KIF16B: variants seen among roughly 807,000 people sequenced by gnomAD.
KIF16B encodes the protein kinesin-like protein KIF16B.
A neutral mutation model predicts 156.3 loss-of-function variants in KIF16B; 98 were observed. That is an observed-to-expected ratio of 0.63 (90% CI 0.53 to 0.74). The LOEUF (loss-of-function observed/expected upper bound fraction) is 0.74, where lower values mean the gene tolerates loss of function less well. Ranked by LOEUF, KIF16B falls within the 30% of genes least tolerant of loss-of-function variation. KIF16B has a pLI of 0.00. For missense variants in KIF16B, 1,421 were observed against 1,606.5 expected, an observed-to-expected ratio of 0.88 and a Z score of 1.97; for synonymous variants, 564 against 583.7, an observed-to-expected ratio of 0.97 and a Z score of 0.49.
In KIF16B at chr20:16,345,461, A is replaced by G. The variant is rs575318422; in HGVS notation, c.3622-9446T>C. On this transcript the variant is annotated intron_variant, in intron 23 of 25. Transcript: ENST00000354981. The stretch of plus-strand genomic sequence containing the variant: ...TGTGGGCAACAGTGTGACCTGCATT[A>G]TAGTCCTTTTCTGACTTACCTGTAA... Among the ~76,000 whole-genome samples, 5 of 152,350 alleles carry G rather than the reference A, an allele frequency of 3.3e-5. No individual in the cohort carries two copies. The East Asian group carries it at 9.6e-4, about 29-fold the overall frequency.
At chr20:16,551,709 G>A (rs906585489) in intron 1 of KIF16B, among the ~76,000 whole-genome samples, 2 of 152,180 alleles carry the variant, frequency 1.3e-5, no homozygotes, top group Non-Finnish European at 2.9e-5. Flanking sequence ...AGCCAGAAGG[G>A]CTTGAGGTAA....
At chr20:16,508,279 G>A (rs766068112) in intron 6 of KIF16B, among the ~76,000 whole-genome samples, 179 bp from the exon 7 acceptor site, 3 of 152,298 alleles carry the variant, frequency 2.0e-5, no homozygotes, top group South Asian at 2.1e-4. Context: ...GGCTGGGGCC[G>A]AATCCCAGCT....
chr20:16,480,612 A>G (rs2067953493), intron 12 of KIF16B, among the ~76,000 whole-genome samples: 1 of 152,240 alleles, frequency 6.6e-6, no homozygotes, highest in Non-Finnish European at 1.5e-5. Context: ...TTCAAATGAG[A>G]TAAGCAGTGA....
intron 19 of KIF16B, among the ~76,000 whole-genome samples, chr20:16,378,078 T>A (rs573255373): frequency 6.6e-6 from 1 of 152,160 alleles, no homozygotes; most frequent in South Asian, 2.1e-4. Context: ...TGTGACTCAA[T>A]AGGGGTGGGA....
At chr20:16,564,215 G>A (rs769450657) in intron 1 of KIF16B, among the ~76,000 whole-genome samples, 112 of 152,266 alleles carry the variant, frequency 7.4e-4, no homozygotes, top group Non-Finnish European at 1.3e-3. Context: ...GTAATTTGCT[G>A]AGAATGATGG....
chr20:16,484,147 A>C (rs910779749), intron 12 of KIF16B, among the ~76,000 whole-genome samples: 2 of 152,238 alleles, frequency 1.3e-5, no homozygotes, highest in African/African-American at 2.4e-5. Context: ...ACCAACATTT[A>C]ACATGGTGCA....
In KIF16B at chr20:16,508,034, TTGA is replaced by T. The variant is rs1464511092; in HGVS notation, c.620_622del (p.Ile207del). ...CATCCCAGTCGCTGCGGTGGTCCGG[TTGA>T]TATTGCCCGCATCCATAAGTTCTTC... On this transcript the variant is annotated inframe_deletion, in exon 7 of 26. Coordinates refer to ENST00000354981, the MANE Select transcript of KIF16B (RefSeq NM_024704.5). 6.2e-7 allele frequency: 1 copy of T among 1,614,162 alleles called. No individual in the cohort carries two copies. The highest frequency in any genetic ancestry group is 1.7e-5 in the Admixed American group (1 of 60,020).
intron 25 of KIF16B, among the ~76,000 whole-genome samples, chr20:16,292,534 A>G (rs2063328622): frequency 6.6e-6 from 1 of 152,228 alleles, no homozygotes; most frequent in Admixed American, 6.5e-5. Context: ...TCTGAAAAAA[A>G]GCACAAGGTA....
intron 1 of KIF16B, among the ~76,000 whole-genome samples, chr20:16,568,592 TC>T (rs1422723254): frequency 6.6e-6 from 1 of 152,002 alleles, no homozygotes; most frequent in African/African-American, 2.4e-5. Flanking sequence ...GGTGGGAGGA[TC>T]ACTTGAGCCC....
At chr20:16,380,247 C>A (rs1411084428) in intron 18 of KIF16B, 84 bp from the exon 19 acceptor site, 1 of 1,260,146 alleles carries the variant, frequency 7.9e-7, no homozygotes, top group East Asian at 2.7e-5. Context: ...TGAAAATGCA[C>A]ATACAACCAG....
chr20:16,400,908 G>C (rs923152495), intron 17 of KIF16B, among the ~76,000 whole-genome samples: 5 of 152,150 alleles, frequency 3.3e-5, no homozygotes, highest in Non-Finnish European at 5.9e-5. Flanking sequence ...GACGAAACTG[G>C]TTGCACAGTA....
At chr20:16,377,156 T>C (rs977978335) in intron 19 of KIF16B, among the ~76,000 whole-genome samples, 1 of 152,126 alleles carries the variant, frequency 6.6e-6, no homozygotes, top group Non-Finnish European at 1.5e-5. Flanking sequence ...AGGTGGGGTC[T>C]CCTGGCCAGT....
chr20:16,556,597 T>C (rs1037750605), intron 1 of KIF16B, among the ~76,000 whole-genome samples: 1 of 152,142 alleles, frequency 6.6e-6, no homozygotes, highest in Non-Finnish European at 1.5e-5. Flanking sequence ...ACTCCTCCAA[T>C]GGCCCTACCA....
intron 24 of KIF16B, among the ~76,000 whole-genome samples, chr20:16,328,152 G>A (rs934086923): frequency 4.6e-5 from 7 of 152,108 alleles, no homozygotes; most frequent in Non-Finnish European, 7.4e-5. Flanking sequence ...TTGCCTAGTC[G>A]TTTTCTTCCC....
intron 3 of KIF16B, among the ~76,000 whole-genome samples, chr20:16,517,021 T>C (rs893795050): frequency 2.0e-5 from 3 of 152,282 alleles, no homozygotes; most frequent in Non-Finnish European, 2.9e-5. Context: ...TGCAGACATA[T>C]GGAGACAACT....
rs1004489811 is a variant in KIF16B at position 16,389,624 on chromosome 20, A to G, written c.1785-7877T>C. Among the ~76,000 whole-genome samples the G allele has an allele frequency of 3.9e-5, 6 of 152,200 alleles. No homozygotes were observed. In the East Asian group the frequency reaches 9.6e-4, roughly 24 times the overall value. On this transcript the variant is annotated intron_variant, in intron 17 of 25. Transcript: ENST00000354981. ...AGCACCTCACAACTGAGCAAATCCC[A>G]TGGAGACTAGGGGATCTTAAAGACT...
At chr20:16,463,062 C>T (rs6080271) in intron 12 of KIF16B, among the ~76,000 whole-genome samples, 21,159 of 152,210 alleles carry the variant, frequency 0.14, 1,915 homozygotes, top group Non-Finnish European at 0.21. Flanking sequence ...CTGGTCCAAC[C>T]AATCTTGTGC....
intron 1 of KIF16B, among the ~76,000 whole-genome samples, chr20:16,560,932 G>C (rs2071034684): frequency 6.6e-6 from 1 of 152,054 alleles, no homozygotes; most frequent in South Asian, 2.1e-4. Flanking sequence ...CTTCATCAGT[G>C]TTTTTTTCAA....
intron 25 of KIF16B, among the ~76,000 whole-genome samples, chr20:16,292,527 G>GA (rs1418325493): frequency 2.0e-5 from 3 of 152,128 alleles, no homozygotes; most frequent in Admixed American, 6.5e-5. Context: ...CCTTTTATCT[G>GA]AAAAAAAGCA....
Sources: gnomAD v4.1 joint callset for allele counts (sites outside exome capture counted in the v4.1 genomes callset) on GRCh38, gnomAD v4.1.1 for gene constraint, MANE v1.5 for transcripts, NCBI Gene and HGNC (gene_info 2026-07-23, HGNC 2026-07-21) for gene names.